ZFHX3: variants seen among roughly 807,000 people sequenced by gnomAD.
The protein encoded by ZFHX3 is zinc finger homeobox protein 3.
ZFHX3 carries 42 observed loss-of-function variants against 279.1 expected under a neutral mutation model. The ratio of observed to expected loss-of-function variants is 0.15; its 90% CI spans 0.12 to 0.19. ZFHX3 has a LOEUF of 0.19. ZFHX3 is among the 10% of genes least tolerant of loss of function. The pLI is 1.00. For synonymous variants in ZFHX3, 2,293 were observed against 1,957.8 expected, an observed-to-expected ratio of 1.17 and a Z score of -4.52; for missense variants, 4,981 against 4,754.0, an observed-to-expected ratio of 1.05 and a Z score of -1.40.
At chr16:73,818,322 G>A (rs1960636641) in intron 1 of ZFHX3, among the ~76,000 whole-genome samples, 2 of 152,218 alleles carry the variant, frequency 1.3e-5, no homozygotes, top group African/African-American at 4.8e-5. Flanking sequence ...TAGGATTTCA[G>A]CTTGTATGGA....
At chr16:73,538,582 A>C (rs867356273) in intron 2 of ZFHX3, among the ~76,000 whole-genome samples, 24 of 152,316 alleles carry the variant, frequency 1.6e-4, no homozygotes, top group Middle Eastern at 6.8e-3. Flanking sequence ...AGACATTTGG[A>C]CAAAAGATCT....
intron 3 of ZFHX3, among the ~76,000 whole-genome samples, chr16:72,921,908 G>A (rs899365189): frequency 1.1e-4 from 16 of 152,214 alleles, no homozygotes; most frequent in African/African-American, 3.9e-4. Flanking sequence ...CACACGCACA[G>A]ATGCAAAACG....
chr16:73,863,066 C>T (rs1048105178), intron 1 of ZFHX3, among the ~76,000 whole-genome samples: 28 of 151,902 alleles, frequency 1.8e-4, no homozygotes, highest in African/African-American at 6.8e-4. Context: ...ATTAGCTGGG[C>T]GTGGTGGCAG....
At chr16:73,302,227 TC>T (rs1219787252) in intron 4 of ZFHX3, among the ~76,000 whole-genome samples, 3 of 152,158 alleles carry the variant, frequency 2.0e-5, no homozygotes, top group Non-Finnish European at 2.9e-5. Flanking sequence ...TTCCTTTGTA[TC>T]TTTTTCCCTT....
chr16:73,424,789 GA>G (rs2017782637), intron 3 of ZFHX3, among the ~76,000 whole-genome samples: 2 of 135,882 alleles, frequency 1.5e-5, no homozygotes, highest in Admixed American at 7.3e-5. Flanking sequence ...AGAAAGAAAA[GA>G]AAAAAAAGAA....
chr16:73,723,635 T>C (rs746654558), intron 1 of ZFHX3, among the ~76,000 whole-genome samples: 3 of 152,228 alleles, frequency 2.0e-5, no homozygotes, highest in Admixed American at 6.5e-5. Flanking sequence ...AATATTTACT[T>C]TCTTTGTTTT....
chr16:72,898,473 A>G (rs757894223), intron 3 of ZFHX3, among the ~76,000 whole-genome samples: 1 of 152,154 alleles, frequency 6.6e-6, no homozygotes, highest in Non-Finnish European at 1.5e-5. Flanking sequence ...AATTCTCAAC[A>G]TTAGTGGCCT....
intron 1 of ZFHX3, among the ~76,000 whole-genome samples, chr16:73,748,469 T>C (rs1428189423): frequency 6.6e-6 from 1 of 152,216 alleles, no homozygotes; most frequent in East Asian, 1.9e-4. Flanking sequence ...CATTCATTCA[T>C]TGACATTCTC....
chr16:73,395,155 G>A (rs2017101467), intron 3 of ZFHX3, among the ~76,000 whole-genome samples: 1 of 152,066 alleles, frequency 6.6e-6, no homozygotes, highest in African/African-American at 2.4e-5. Flanking sequence ...ACAATGCACA[G>A]GACACCCTCA....
chr16:73,000,473 C>T (rs1963451498), intron 1 of ZFHX3, among the ~76,000 whole-genome samples: 1 of 152,166 alleles, frequency 6.6e-6, no homozygotes, highest in African/African-American at 2.4e-5. Context: ...GCACTCGGCT[C>T]AACCCAATAG....
At chr16:73,580,972 A>C (rs1277472435) in intron 2 of ZFHX3, among the ~76,000 whole-genome samples, 1 of 151,780 alleles carries the variant, frequency 6.6e-6, no homozygotes, top group African/African-American at 2.4e-5. Flanking sequence ...CAGAAGCCTT[A>C]GTTCCTTTCA....
In ZFHX3 at chr16:72,798,589, T is replaced by C; in HGVS notation, c.4093A>G (p.Lys1365Glu). 1 of 1,614,166 alleles carries C rather than the reference T, an allele frequency of 6.2e-7. No homozygotes were observed. The highest frequency in any genetic ancestry group is 8.5e-7 in the Non-Finnish European group (1 of 1,180,024). Residue 1365 changes from lysine (K) to glutamate (E), a missense_variant, in exon 9 of 10, where the codon AAG becomes GAG. Lys to Glu is a moderately conservative substitution (Grantham distance 56). This residue lies in a region of ZFHX3 where 1,751 missense variants were observed against 1,770.0 expected (regional missense o/e 0.99). Transcript: ENST00000268489. ...REDSGFICWK[K>E]GCNQVFKTSA... is the part of the protein sequence containing the mutation. ...GTTTTGAAAACCTGGTTGCACCCCT[T>C]CTTCCAGCAGATGAAGCCTGAGTCT...
chr16:73,595,870 A>G (rs989234008), intron 2 of ZFHX3, among the ~76,000 whole-genome samples: 38 of 152,192 alleles, frequency 2.5e-4, no homozygotes, highest in Non-Finnish European at 4.6e-4. Context: ...CATCCCATCT[A>G]TCCCAAATCC....
intron 2 of ZFHX3, among the ~76,000 whole-genome samples, chr16:73,539,495 A>G (rs1342923468): frequency 2.0e-5 from 2 of 100,060 alleles, no homozygotes; most frequent in Non-Finnish European, 3.7e-5. Flanking sequence ...GCTGTTTATT[A>G]CCTCAGGCAA....
chr16:73,319,026 C>G (rs2015515124), intron 3 of ZFHX3, among the ~76,000 whole-genome samples: 1 of 151,646 alleles, frequency 6.6e-6, no homozygotes, highest in African/African-American at 2.4e-5. Flanking sequence ...GCAGCCTGGC[C>G]CACTGGTGCA....
intron 1 of ZFHX3, among the ~76,000 whole-genome samples, chr16:73,688,862 G>C (rs754813590): frequency 6.6e-6 from 1 of 152,092 alleles, no homozygotes; most frequent in Non-Finnish European, 1.5e-5. Flanking sequence ...TTTATAAAGG[G>C]GAGCTTCCCT....
intron 3 of ZFHX3, among the ~76,000 whole-genome samples, chr16:73,455,269 T>C (rs1017533003): frequency 6.6e-6 from 1 of 152,198 alleles, no homozygotes; most frequent in Non-Finnish European, 1.5e-5. Context: ...TCCCAGGAAC[T>C]TTACATTTGC....
intron 1 of ZFHX3, chr16:73,796,535 G>A (rs1372785258): frequency 1.3e-5 from 2 of 152,192 alleles, no homozygotes; most frequent in African/African-American, 4.8e-5. Flanking sequence ...ACCCTGGCAG[G>A]ATCTAGAAGT....
chr16:73,238,434 C>T (rs1406872493), intron 5 of ZFHX3, among the ~76,000 whole-genome samples: 2 of 152,162 alleles, frequency 1.3e-5, no homozygotes, highest in Non-Finnish European at 2.9e-5. Flanking sequence ...CCTTCACCCT[C>T]TTCTTTTTCT....
Sources: gnomAD v4.1 joint callset for allele counts (sites outside exome capture counted in the v4.1 genomes callset) on GRCh38, gnomAD v4.1.1 for gene constraint, gnomAD v4.1.1 regional missense constraint, MANE v1.5 for transcripts, NCBI Gene and HGNC (gene_info 2026-07-23, HGNC 2026-07-21) for gene names.